Variants in P2RY11 observed in about 807,000 individuals in gnomAD.
The protein encoded by P2RY11 is purinergic receptor P2Y11, also known as P2Y purinoceptor 11.
In P2RY11, 3 loss-of-function variants were observed where a neutral mutation model predicts 2.4. That is an observed-to-expected ratio of 1.22 (90% confidence interval 0.56 to 3.17). The LOEUF (loss-of-function observed/expected upper bound fraction) is 3.17, where lower values mean the gene tolerates loss of function less well. Among genes scored for constraint, P2RY11 ranks in the 30% most tolerant of loss-of-function variants. The probability of loss-of-function intolerance (pLI) is 0.03; values close to 1 mark genes in which losing one functional copy is unlikely to be tolerated. For missense variants in P2RY11, 670 were observed against 528.2 expected, an observed-to-expected ratio of 1.27 and a Z score of -2.63; for synonymous variants, 307 against 237.3, an observed-to-expected ratio of 1.29 and a Z score of -2.70.
chr19:10,112,955 C>G (rs1050705199), intron 1 of P2RY11, among the ~76,000 whole-genome samples: 32 of 151,808 alleles, frequency 2.1e-4, no homozygotes, highest in African/African-American at 7.7e-4. Flanking sequence ...AAAAAAAAGT[C>G]TGGGTGCGAA....
rs13343869 is a variant in P2RY11, at chr19:10,112,733, C to T, written c.20-900C>T. 5.4e-3 allele frequency among the ~76,000 whole-genome samples: 823 copies of T among 152,190 alleles called. 15 individuals carry two copies. The highest frequency in any genetic ancestry group is 0.019 in the African/African-American group (791 of 41,522). On this transcript the variant is annotated intron_variant, in intron 1 of 1. Coordinates refer to ENST00000321826, the MANE Select transcript of P2RY11 (RefSeq NM_002566.5). Reference sequence around the variant, plus strand: ...GCGGGCAGATCTGAGGTCAGGAATTCGAGACCTCTTGGCCAACATGGGGAA... The same window carrying T: ...GCGGGCAGATCTGAGGTCAGGAATTTGAGACCTCTTGGCCAACATGGGGAA...
Position 10,114,137 on chromosome 19 carries a change from AG to A in P2RY11, c.529del (p.Ala177ArgfsTer62). 1.9e-6 allele frequency: 3 copies of A among 1,601,120 alleles called. No homozygotes were observed. The highest frequency in any genetic ancestry group is 1.1e-5 in the South Asian group (1 of 91,070). Reference protein sequence around the residue: ...LSFSHLKRPQQGAGNCSVARP... With the variant: ...LSFSHLKRPQXGAGNCSVARP... ...TTCTCCCACCTGAAGAGGCCGCAGC[AG>A]GGGGCGGGCAACTGCAGCGTGGCCA... is the stretch of plus-strand genomic sequence containing the variant. On this transcript the variant is annotated frameshift_variant, in exon 2 of 2. Coordinates refer to ENST00000321826, the MANE Select transcript of P2RY11 (RefSeq NM_002566.5). LOFTEE classifies it low-confidence loss of function (END_TRUNC).
rs771337934 is a variant in P2RY11 at position 10,114,276 on chromosome 19, G to A, written c.663G>A (p.Thr221=). Residue 221 remains threonine, a synonymous_variant, in exon 2 of 2, where the codon ACG becomes ACA. Coordinates refer to ENST00000321826, the MANE Select transcript of P2RY11 (RefSeq NM_002566.5). ...GLGCGLPLLL[T]LAAYGALGRA... ...GCTGCGGCCTGCCGCTGCTGCTCAC[G>A]CTGGCAGCCTACGGCGCCCTCGGGC... 24 of 1,598,134 alleles carry A rather than the reference G, an allele frequency of 1.5e-5. No homozygotes were observed. Among genetic ancestry groups the A allele is most frequent in the Non-Finnish European group, 1.5e-5 (18 of 1,178,818 alleles).
Position 10,114,782 on chromosome 19 carries a change from AGAACCCT to A in P2RY11, c.*47_*53del. The stretch of plus-strand genomic sequence containing the variant: ...GCCTCCTCACCCTAGGTGTTGCTGG[AGAACCCT>A]GAGGGCAGGGCCCGAGCCCCGACAC... On this transcript the variant is annotated 3_prime_UTR_variant, in exon 2 of 2. Transcript: ENST00000321826. The A allele has an allele frequency of 6.4e-7, 1 of 1,556,304 alleles. No homozygotes were observed. Among genetic ancestry groups the A allele is most frequent in the Non-Finnish European group, 8.7e-7 (1 of 1,149,924 alleles).
In P2RY11 at chr19:10,113,727, G is replaced by GT. The variant is rs1323686268; in HGVS notation, c.116dup (p.Leu40ProfsTer167). 1 of 1,614,100 alleles carries GT rather than the reference G, an allele frequency of 6.2e-7. No homozygotes were observed. The highest frequency in any genetic ancestry group is 8.5e-7 in the Non-Finnish European group (1 of 1,179,974). ...TCCTGTGGCCCATACTGGTGGTTGA[G>GT]TTCCTGGTGGCCGTGGCCAGCAATG... is the stretch of plus-strand genomic sequence containing the variant. On this transcript the variant is annotated frameshift_variant, in exon 2 of 2. Coordinates refer to ENST00000321826, the MANE Select transcript of P2RY11 (RefSeq NM_002566.5). LOFTEE classifies it low-confidence loss of function (END_TRUNC).
rs1206943877 is a variant in P2RY11 at position 10,114,389 on chromosome 19, GCTC to G, written c.779_781del (p.Ser260del). On this transcript the variant is annotated inframe_deletion, in exon 2 of 2. Transcript: ENST00000321826. ...GCCAGTGGTGTGGCCCTCTACGCCA[GCTC>G]CTATGTGCCCTACCACATCATGCGG... 4.4e-6 allele frequency: 7 copies of G among 1,609,050 alleles called. No individual in the cohort carries two copies. The highest frequency in any genetic ancestry group is 5.9e-6 in the Non-Finnish European group (7 of 1,179,896).
rs552730015 is a variant in P2RY11 at position 10,113,778 on chromosome 19, C to G, written c.165C>G (p.Ile55Met). 1.2e-6 allele frequency: 2 copies of G among 1,614,060 alleles called. No homozygotes were observed. The highest frequency in any genetic ancestry group is 1.7e-6 in the Non-Finnish European group (2 of 1,179,998). The change falls in exon 2 of 2, where the codon ATC becomes ATG. Residue 55 changes from isoleucine to methionine, a missense_variant. Ile to Met is a conservative substitution (Grantham distance 10). Coordinates refer to ENST00000321826, the MANE Select transcript of P2RY11 (RefSeq NM_002566.5). ...SNGLALYRFSIRKQRPWHPAV... is the reference protein window; with the variant it reads ...SNGLALYRFSMRKQRPWHPAV... ...GCCTGGCCCTGTACCGCTTCAGCAT[C>G]CGGAAGCAGCGCCCATGGCACCCCG...
At chr19:10,112,769 T>A (rs1328258420) in intron 1 of P2RY11, among the ~76,000 whole-genome samples, 1 of 152,136 alleles carries the variant, frequency 6.6e-6, no homozygotes, top group Non-Finnish European at 1.5e-5. Flanking sequence ...ACCCCATCTC[T>A]ACTAAAAATG....
Position 10,114,717 on chromosome 19 carries a change from G to A in P2RY11, c.1104G>A (p.Gln368=). ...ATAAPKPSEP[Q]SRELSQ ...CCGCCCCTAAACCGTCAGAGCCCCA[G>A]TCCCGTGAGCTGAGCCAATGATGTG... The change falls in exon 2 of 2, where the codon CAG becomes CAA. Residue 368 remains glutamine, a synonymous_variant. Coordinates refer to ENST00000321826, the MANE Select transcript of P2RY11 (RefSeq NM_002566.5). The A allele has an allele frequency of 6.2e-7, 1 of 1,609,070 alleles. No individual in the cohort carries two copies. Among genetic ancestry groups the A allele is most frequent in the South Asian group, 1.1e-5 (1 of 90,606 alleles).
rs761813731 is a variant in P2RY11, at chr19:10,113,669, CCGA to C, written c.61_63del (p.Asp21del). 1.5e-5 allele frequency: 25 copies of C among 1,613,372 alleles called. No homozygotes were observed. The highest frequency in any genetic ancestry group is 6.7e-5 in the Admixed American group (4 of 59,890). The stretch of plus-strand genomic sequence containing the variant: ...TGCCCTGCCAACTTCTTGGCAGCTG[CCGA>C]CGACAAACTCAGTGGGTTCCAGGGG... On this transcript the variant is annotated inframe_deletion, in exon 2 of 2. Coordinates refer to ENST00000321826, the MANE Select transcript of P2RY11 (RefSeq NM_002566.5).
In P2RY11 at chr19:10,115,191, C is replaced by T; in HGVS notation, c.*453C>T. On this transcript the variant is annotated 3_prime_UTR_variant, in exon 2 of 2. Coordinates refer to ENST00000321826, the MANE Select transcript of P2RY11 (RefSeq NM_002566.5). ...GGGGCACCCCAAGACCCCAGACACC[C>T]AAGTGGCATCTTGGGGGTGGGTGGG... is the stretch of plus-strand genomic sequence containing the variant. 1 of 1,596,542 alleles carries T rather than the reference C, an allele frequency of 6.3e-7. No individual in the cohort carries two copies. Among genetic ancestry groups the T allele is most frequent in the Non-Finnish European group, 8.5e-7 (1 of 1,169,984 alleles).
chr19:10,115,087 C>T lies in P2RY11; in HGVS notation c.*349C>T, dbSNP rs374059230. On this transcript the variant is annotated 3_prime_UTR_variant, in exon 2 of 2. Coordinates refer to ENST00000321826, the MANE Select transcript of P2RY11 (RefSeq NM_002566.5). The stretch of plus-strand genomic sequence containing the variant: ...GGCTGTCTTCTGTCGCCAAGGGTCC[C>T]GGACCGAGTACACAGTGGCAGCTGG... The T allele has an allele frequency of 1.2e-4, 187 of 1,613,734 alleles. 1 individual carries two copies. The highest frequency in any genetic ancestry group is 1.2e-3 in the Middle Eastern group (7 of 6,084).
In P2RY11 at chr19:10,113,904, TGG is replaced by T. The variant is rs1220965630; in HGVS notation, c.294_295del (p.Glu99GlyfsTer107). Reference protein sequence around the residue: ...YLYPPKHWRYGEAACRLERFL... With the variant: ...YLYPPKHWRYXEAACRLERFL... Reference sequence around the variant, plus strand: ...TCTATCCCCCCAAGCACTGGCGCTATGGGGAGGCCGCGTGCCGCCTGGAGCGC... The same window carrying T: ...TCTATCCCCCCAAGCACTGGCGCTATGGAGGCCGCGTGCCGCCTGGAGCGC... On this transcript the variant is annotated frameshift_variant, in exon 2 of 2. Coordinates refer to ENST00000321826, the MANE Select transcript of P2RY11 (RefSeq NM_002566.5). LOFTEE classifies it low-confidence loss of function (END_TRUNC). 6.2e-7 allele frequency: 1 copy of T among 1,606,900 alleles called. No individual in the cohort carries two copies. Among genetic ancestry groups the T allele is most frequent in the African/African-American group, 1.3e-5 (1 of 74,896 alleles).
At chr19:10,113,061 T>TGTGGCACTGGGGGGG (rs2089146861) in intron 1 of P2RY11, among the ~76,000 whole-genome samples, 1 of 148,628 alleles carries the variant, frequency 6.7e-6, no homozygotes, top group South Asian at 2.2e-4. Context: ...CACTGGGGGG[T>TGTGGCACTGGGGGGG]ATGGCGGGCG....
intron 1 of P2RY11, among the ~76,000 whole-genome samples, chr19:10,113,367 G>A (rs190521607): frequency 1.3e-5 from 2 of 152,260 alleles, no homozygotes; most frequent in African/African-American, 2.4e-5. Context: ...TGGTGGGGGA[G>A]TAGGGTGGCC....
At position 10,114,764 on chromosome 19, in the gene P2RY11, C is replaced by T. The variant is rs1568493004; in HGVS notation, c.*26C>T. 1 of 1,577,898 alleles carries T rather than the reference C, an allele frequency of 6.3e-7. No individual in the cohort carries two copies. The highest frequency in any genetic ancestry group is 2.3e-5 in the East Asian group (1 of 44,396). Reference sequence around the variant, plus strand: ...TGTGGCCTAGCGGAAGCTGCCTCCTCACCCTAGGTGTTGCTGGAGAACCCT... The same window carrying T: ...TGTGGCCTAGCGGAAGCTGCCTCCTTACCCTAGGTGTTGCTGGAGAACCCT... On this transcript the variant is annotated 3_prime_UTR_variant, in exon 2 of 2. Coordinates refer to ENST00000321826, the MANE Select transcript of P2RY11 (RefSeq NM_002566.5).
In P2RY11 at chr19:10,113,594, G is replaced by A. The variant is rs557153556; in HGVS notation, c.20-39G>A. ...TTGGGGTAGCAGGAGCCGCCTTATG[G>A]GGGAATAGGGCTCAGCTGGTGACAC... On this transcript the variant is annotated intron_variant, in intron 1 of 1. Coordinates refer to ENST00000321826, the MANE Select transcript of P2RY11 (RefSeq NM_002566.5). The A allele has an allele frequency of 7.0e-5, 110 of 1,580,024 alleles. 1 individual carries two copies. The East Asian group carries it at 2.0e-3, about 28-fold the overall frequency.
rs2089221189 is a variant in P2RY11, at chr19:10,115,245, CG to C, written c.*510del. On this transcript the variant is annotated 3_prime_UTR_variant, in exon 2 of 2. Coordinates refer to ENST00000321826, the MANE Select transcript of P2RY11 (RefSeq NM_002566.5). ...AGGACGGGGTAATGTGAGGACGAAG[CG>C]GGCACGGAGCCAGATGGCCAGTCTC... 2 of 1,373,264 alleles carry C rather than the reference CG, an allele frequency of 1.5e-6. No individual in the cohort carries two copies. The highest frequency in any genetic ancestry group is 2.7e-5 in the South Asian group (2 of 72,894). 85.1% of individuals were successfully genotyped at this position (1,373,264 alleles called of 1,614,324 possible). A position where few individuals can be genotyped will look rare whatever the true frequency, so the allele number is the denominator to read the frequency against.
rs369707176 is a variant in P2RY11 at position 10,111,703 on chromosome 19, T to A, written c.-19T>A. On this transcript the variant is annotated 5_prime_UTR_variant, in exon 1 of 2. Coordinates refer to ENST00000321826, the MANE Select transcript of P2RY11 (RefSeq NM_002566.5). Reference sequence around the variant, plus strand: ...GGGGAACTGGGTAGCAGACACAGGCTGAGGATCGGCACGGGAGCATGGCAG... The same window carrying A: ...GGGGAACTGGGTAGCAGACACAGGCAGAGGATCGGCACGGGAGCATGGCAG... 62 of 1,613,342 alleles carry A rather than the reference T, an allele frequency of 3.8e-5. No individual in the cohort carries two copies. Among genetic ancestry groups the A allele is most frequent in the Non-Finnish European group, 5.2e-5 (61 of 1,179,788 alleles).
Sources: allele counts gnomAD v4.1 joint callset (sites outside exome capture counted in the v4.1 genomes callset), GRCh38; gene constraint gnomAD v4.1.1; transcripts MANE v1.5; gene names NCBI Gene and HGNC (gene_info 2026-07-23, HGNC 2026-07-21).